The following SPIDR variants were observed in gnomAD, a reference collection of about 807,000 sequenced individuals.
The protein encoded by SPIDR is DNA repair-scaffolding protein.
A neutral mutation model predicts 104.6 loss-of-function variants in SPIDR; 93 were observed. The ratio of observed to expected loss-of-function variants is 0.89; its 90% CI spans 0.75 to 1.06. The LOEUF (loss-of-function observed/expected upper bound fraction) is 1.06. SPIDR is among the 50% of genes least tolerant of loss of function. The pLI, the probability that SPIDR is intolerant of heterozygous loss-of-function variation, is 0.00. For synonymous variants in SPIDR, 431 were observed against 416.9 expected, an observed-to-expected ratio of 1.03 and a Z score of -0.41; for missense variants, 1,154 against 1,111.2, an observed-to-expected ratio of 1.04 and a Z score of -0.55.
intron 7 of SPIDR, among the ~76,000 whole-genome samples, chr8:47,413,998 C>T (rs889674686): frequency 5.3e-5 from 8 of 152,056 alleles, no homozygotes; most frequent in African/African-American, 1.9e-4. Flanking sequence ...AGTATTAATA[C>T]AAATGTTTTT....
chr8:47,492,154 T>C (rs2078823855), intron 8 of SPIDR, among the ~76,000 whole-genome samples: 1 of 152,138 alleles, frequency 6.6e-6, no homozygotes, highest in Non-Finnish European at 1.5e-5. Flanking sequence ...GGACATGATG[T>C]GCCAAGAATG....
intron 5 of SPIDR, among the ~76,000 whole-genome samples, chr8:47,360,209 T>C (rs554818200): frequency 1.7e-5 from 2 of 114,358 alleles, no homozygotes; most frequent in African/African-American, 3.4e-5. Context: ...GCCACTGTGC[T>C]CCAGCCTGGG....
At chr8:47,294,165 T>C (rs1162175535) in intron 5 of SPIDR, 135 bp downstream of exon 5, 1 of 1,104,126 alleles carries the variant, frequency 9.1e-7, no homozygotes, top group African/African-American at 1.6e-5. Context: ...GATTCTTTTG[T>C]TCTTTACTCA....
intron 5 of SPIDR, among the ~76,000 whole-genome samples, chr8:47,299,851 G>T (rs2041703994): frequency 6.6e-6 from 1 of 152,182 alleles, no homozygotes; most frequent in African/African-American, 2.4e-5. Context: ...GATTCGGTGT[G>T]CCAGTGTTTT....
At chr8:47,506,359 G>T (rs947232471) in intron 8 of SPIDR, among the ~76,000 whole-genome samples, 73 of 152,092 alleles carry the variant, frequency 4.8e-4, no homozygotes, top group African/African-American at 1.7e-3. Flanking sequence ...AATAATGAGG[G>T]TCTCACTCTA....
intron 11 of SPIDR, among the ~76,000 whole-genome samples, chr8:47,690,107 T>G (rs1246968968): frequency 1.3e-5 from 2 of 152,080 alleles, no homozygotes; most frequent in East Asian, 3.9e-4. Context: ...ACAGATTTTG[T>G]GTGGTAGTGT....
chr8:47,534,256 A>G (rs1169106337), intron 8 of SPIDR, among the ~76,000 whole-genome samples: 1 of 152,240 alleles, frequency 6.6e-6, no homozygotes, highest in Non-Finnish European at 1.5e-5. Context: ...GTTCTTAGCA[A>G]CATAAGAACA....
intron 8 of SPIDR, among the ~76,000 whole-genome samples, chr8:47,520,970 C>T (rs965879553): frequency 2.0e-5 from 3 of 152,198 alleles, no homozygotes; most frequent in African/African-American, 4.8e-5. Flanking sequence ...CTCCATATGG[C>T]ATCAATGTAA....
At chr8:47,418,844 T>C (rs188299234) in intron 7 of SPIDR, among the ~76,000 whole-genome samples, 25 of 152,374 alleles carry the variant, frequency 1.6e-4, no homozygotes, top group Admixed American at 7.2e-4. Context: ...TTGAATTTTG[T>C]CAAAGGGCTT....
intron 8 of SPIDR, among the ~76,000 whole-genome samples, chr8:47,492,022 G>A (rs952536541): frequency 6.6e-6 from 1 of 152,146 alleles, no homozygotes; most frequent in East Asian, 1.9e-4. Flanking sequence ...TTAACCATGT[G>A]ACACTACCTG....
At chr8:47,460,748 A>G (rs553897235) in intron 8 of SPIDR, among the ~76,000 whole-genome samples, 2 of 152,234 alleles carry the variant, frequency 1.3e-5, no homozygotes, top group East Asian at 3.9e-4. Flanking sequence ...TTTGTTTTAT[A>G]GGTCCTGTGA....
intron 10 of SPIDR, among the ~76,000 whole-genome samples, chr8:47,631,697 G>A (rs1165510058): frequency 6.6e-6 from 1 of 152,202 alleles, no homozygotes; most frequent in Non-Finnish European, 1.5e-5. Flanking sequence ...GAAATTCAGA[G>A]AATCAACATA....
chr8:47,606,443 G>C (rs28439682), intron 10 of SPIDR, among the ~76,000 whole-genome samples: 1 of 151,860 alleles, frequency 6.6e-6, no homozygotes, highest in Non-Finnish European at 1.5e-5. Context: ...GGAGAATGGC[G>C]TGAACCCAGG....
At chr8:47,623,764 T>C (rs2065529773) in intron 10 of SPIDR, among the ~76,000 whole-genome samples, 1 of 152,146 alleles carries the variant, frequency 6.6e-6, no homozygotes, top group South Asian at 2.1e-4. Context: ...TACAGAGACT[T>C]AGACTCCCAC....
At chr8:47,635,740 A>T (rs932852996) in intron 10 of SPIDR, among the ~76,000 whole-genome samples, 12 of 152,152 alleles carry the variant, frequency 7.9e-5, no homozygotes, top group African/African-American at 1.7e-4. Flanking sequence ...AAAAAAAATT[A>T]AAAAAGAACA....
intron 16 of SPIDR, among the ~76,000 whole-genome samples, chr8:47,715,957 C>CTTTTTTCT (rs2082521702): frequency 6.9e-6 from 1 of 145,260 alleles, no homozygotes; most frequent in Non-Finnish European, 1.5e-5. Flanking sequence ...GTGCCTCTCT[C>CTTTTTTCT]TTTTTTCTTT....
chr8:47,315,094 A>C (rs1312532072), intron 5 of SPIDR, among the ~76,000 whole-genome samples: 1 of 152,180 alleles, frequency 6.6e-6, no homozygotes, highest in Non-Finnish European at 1.5e-5. Context: ...AAATTTGTAT[A>C]TACCTAATAA....
At chr8:47,268,399 T>G (rs1388600641) in intron 1 of SPIDR, among the ~76,000 whole-genome samples, 1 of 152,216 alleles carries the variant, frequency 6.6e-6, no homozygotes, top group Non-Finnish European at 1.5e-5. Context: ...GTTGAATATA[T>G]AGACAAATTG....
chr8:47,503,124 G>A (rs1462113023), intron 8 of SPIDR, among the ~76,000 whole-genome samples: 1 of 152,186 alleles, frequency 6.6e-6, no homozygotes, highest in Non-Finnish European at 1.5e-5. Flanking sequence ...TTGATTTTGG[G>A]TGGAGAGTTC....
Sources: gnomAD v4.1 joint callset for allele counts (sites outside exome capture counted in the v4.1 genomes callset) on GRCh38, gnomAD v4.1.1 for gene constraint, MANE v1.5 for transcripts, NCBI Gene and HGNC (gene_info 2026-07-23, HGNC 2026-07-21) for gene names.